Variants in PRELID2 observed in about 807,000 individuals in gnomAD.
The protein encoded by PRELID2 is PRELI domain containing 2.
PRELID2 carries 25 observed loss-of-function variants against 28.4 expected under a neutral mutation model. That is an observed-to-expected ratio of 0.88 (90% CI 0.64 to 1.23). The LOEUF is 1.23. Among genes scored for constraint, PRELID2 ranks in the 50% most tolerant of loss-of-function variants. PRELID2 has a pLI of 0.00. For synonymous variants in PRELID2, 76 were observed against 71.6 expected, an observed-to-expected ratio of 1.06 and a Z score of -0.31; for missense variants, 201 against 214.4, an observed-to-expected ratio of 0.94 and a Z score of 0.39.
intron 5 of PRELID2, among the ~76,000 whole-genome samples, chr5:145,770,760 C>T (rs951164042): frequency 2.6e-5 from 4 of 151,964 alleles, no homozygotes; most frequent in Admixed American, 2.6e-4. Flanking sequence ...TTAAAAATTT[C>T]AAAAATAGAA....
intron 1 of PRELID2, among the ~76,000 whole-genome samples, chr5:145,609,748 G>A (rs1349978945): frequency 6.6e-6 from 1 of 152,216 alleles, no homozygotes; most frequent in Non-Finnish European, 1.5e-5. Flanking sequence ...GGAACCACTG[G>A]GCTAGGAACT....
intron 1 of PRELID2, among the ~76,000 whole-genome samples, chr5:145,714,553 T>C (rs1445791612): frequency 1.3e-5 from 2 of 152,120 alleles, no homozygotes; most frequent in Non-Finnish European, 2.9e-5. Context: ...GAATTCTGCC[T>C]TTCCAGGAAA....
At chr5:145,713,681 A>T (rs1581088882) in intron 1 of PRELID2, among the ~76,000 whole-genome samples, 4 of 97,172 alleles carry the variant, frequency 4.1e-5, no homozygotes, top group South Asian at 3.7e-4. Context: ...GTATATATAT[A>T]TACACACACT....
chr5:145,270,293 T>G, the PRELID2 span, among the ~76,000 whole-genome samples: 63 of 152,230 alleles, frequency 4.1e-4, 1 homozygote, highest in African/African-American at 1.4e-3. Flanking sequence ...ACAAAAATAT[T>G]CATTGTATAG....
intron 1 of PRELID2, among the ~76,000 whole-genome samples, chr5:145,540,163 G>T (rs1048374600): frequency 6.6e-6 from 1 of 151,840 alleles, no homozygotes; most frequent in South Asian, 2.1e-4. Flanking sequence ...ATTTGCAATT[G>T]TTGGAATTAG....
intron 1 of PRELID2, among the ~76,000 whole-genome samples, chr5:145,509,702 C>T (rs1436084916): frequency 1.3e-5 from 2 of 152,146 alleles, no homozygotes; most frequent in Non-Finnish European, 2.9e-5. Flanking sequence ...TTTTCTTCAT[C>T]CTCCTTCATT....
At chr5:145,777,521 C>T (rs1376454272) in intron 5 of PRELID2, among the ~76,000 whole-genome samples, 1 of 152,206 alleles carries the variant, frequency 6.6e-6, no homozygotes, top group East Asian at 1.9e-4. Context: ...TCTATGCCTC[C>T]TCAACTATAA....
chr5:145,564,584 C>A (rs1752949675), intron 1 of PRELID2, among the ~76,000 whole-genome samples: 1 of 152,160 alleles, frequency 6.6e-6, no homozygotes, highest in Non-Finnish European at 1.5e-5. Flanking sequence ...GAACTCAGAA[C>A]ACTGTTTTAA....
At chr5:145,765,069 C>T (rs1561582301) in intron 5 of PRELID2, 69 bp from the exon 6 acceptor site, 1 of 1,077,924 alleles carries the variant, frequency 9.3e-7, no homozygotes, top group South Asian at 1.5e-5. Context: ...TTTATCACAA[C>T]CTTTTCCCTT....
chr5:145,335,961 C>T, the PRELID2 span, among the ~76,000 whole-genome samples: 8 of 152,126 alleles, frequency 5.3e-5, no homozygotes, highest in African/African-American at 9.7e-5. Flanking sequence ...TAATGATTGC[C>T]GTTCTAACTG....
chr5:145,620,432 A>G (rs551736065), intron 1 of PRELID2, among the ~76,000 whole-genome samples: 15 of 152,288 alleles, frequency 9.8e-5, no homozygotes, highest in African/African-American at 2.6e-4. Flanking sequence ...AGATTCACCA[A>G]CTGTTAGAAA....
At chr5:145,250,011 G>A in the PRELID2 span, among the ~76,000 whole-genome samples, 1 of 151,394 alleles carries the variant, frequency 6.6e-6, no homozygotes, top group Non-Finnish European at 1.5e-5. Flanking sequence ...TTTAGATGAA[G>A]ACATTTAACT....
intron 5 of PRELID2, among the ~76,000 whole-genome samples, chr5:145,793,413 T>G (rs538155525): frequency 1.5e-4 from 23 of 152,234 alleles, no homozygotes; most frequent in Admixed American, 1.4e-3. Context: ...AACACTCTTA[T>G]GGTGACTTCC....
At chr5:145,340,720 T>C in the PRELID2 span, among the ~76,000 whole-genome samples, 1 of 149,790 alleles carries the variant, frequency 6.7e-6, no homozygotes, top group South Asian at 2.1e-4. Context: ...TGAGCTTTCA[T>C]CATTGCACTC....
At chr5:145,392,913 A>G in the PRELID2 span, among the ~76,000 whole-genome samples, 1 of 152,074 alleles carries the variant, frequency 6.6e-6, no homozygotes, top group Non-Finnish European at 1.5e-5. Context: ...GTCTGACTCT[A>G]TTTTGTCCTC....
At chr5:145,739,807 T>C (rs1439336233) in intron 1 of PRELID2, among the ~76,000 whole-genome samples, 1 of 152,042 alleles carries the variant, frequency 6.6e-6, no homozygotes, top group Admixed American at 6.6e-5. Flanking sequence ...ATGTAATATA[T>C]AGAGCAACCA....
At chr5:145,348,963 C>G in the PRELID2 span, among the ~76,000 whole-genome samples, 1 of 152,088 alleles carries the variant, frequency 6.6e-6, no homozygotes, top group Non-Finnish European at 1.5e-5. Context: ...TAGATCTCAT[C>G]AAAAGGGTTA....
chr5:145,272,337 A>C, the PRELID2 span, among the ~76,000 whole-genome samples: 1 of 152,200 alleles, frequency 6.6e-6, no homozygotes, highest in East Asian at 1.9e-4. Context: ...TAAACTCAGC[A>C]AATATAACCA....
chr5:145,742,261 T>C (rs1351658848), intron 1 of PRELID2, among the ~76,000 whole-genome samples: 2 of 141,210 alleles, frequency 1.4e-5, no homozygotes, highest in East Asian at 4.2e-4. Flanking sequence ...ATAAAATATA[T>C]ATTTTTAATA....
Sources: allele counts gnomAD v4.1 joint callset (sites outside exome capture counted in the v4.1 genomes callset), GRCh38; gene constraint gnomAD v4.1.1; transcripts MANE v1.5; gene names NCBI Gene and HGNC (gene_info 2026-07-23, HGNC 2026-07-21).